Variants in CFAP47 observed in about 807,000 individuals in gnomAD.
The protein encoded by CFAP47 is cilia- and flagella-associated protein 47.
CFAP47 carries 29 observed loss-of-function variants against 148.1 expected under a neutral mutation model. The observed-to-expected ratio is 0.20, with a 90% CI of 0.15 to 0.27. The LOEUF (loss-of-function observed/expected upper bound fraction) is 0.27. CFAP47 is among the 10% of genes least tolerant of loss of function. The probability of loss-of-function intolerance (pLI) is 1.00; values close to 1 mark genes in which losing one functional copy is unlikely to be tolerated. For synonymous variants in CFAP47, 664 were observed against 577.3 expected (o/e 1.15, Z -2.15); for missense variants, 1,872 against 1,697.5 (o/e 1.10, Z -1.81).
chrX:36,039,310 A>G (rs899424348), intron 25 of CFAP47, 131 bp downstream of exon 25: 3 of 336,096 alleles, frequency 8.9e-6, no homozygotes, highest in South Asian at 1.5e-4. Flanking sequence ...TTAACCATAC[A>G]TTAAAATTTA....
chrX:36,134,306 G>A (rs1387163096), intron 33 of CFAP47, among the ~76,000 whole-genome samples: 2 of 111,042 alleles, frequency 1.8e-5, no homozygotes, highest in Non-Finnish European at 3.8e-5. Context: ...ATATCAGTAA[G>A]TTGACTCTAA....
At chrX:36,324,201 T>G (rs782796200) in intron 57 of CFAP47, among the ~76,000 whole-genome samples, 1 of 111,986 alleles carries the variant, frequency 8.9e-6, no homozygotes, top group African/African-American at 3.2e-5. Flanking sequence ...AATAAAGTTA[T>G]AGGACTTGCA....
At chrX:36,338,275 C>G (rs1357983369) in intron 57 of CFAP47, among the ~76,000 whole-genome samples, 2 of 109,670 alleles carry the variant, frequency 1.8e-5, no homozygotes, top group Non-Finnish European at 3.8e-5. Context: ...CTCTTTATCC[C>G]CTGACCCTAC....
Position 35,951,949 on chromosome X carries a change from T to C in CFAP47, c.1032T>C (p.Phe344=), listed in dbSNP as rs138543281. ...CTTATCAAAAGACTGTAATTACATTTTGTTTCACCCCAAAGTAAGCAAAAA... is the reference window on the plus strand; with the variant it reads ...CTTATCAAAAGACTGTAATTACATTCTGTTTCACCCCAAAGTAAGCAAAAA... ...LQPYQKTVIT[F]CFTPKLMAVG... The change falls in exon 6 of 64, where the codon TTT becomes TTC. Residue 344 remains phenylalanine, a synonymous_variant. Transcript: ENST00000378653. The C allele has an allele frequency of 5.1e-5, 59 of 1,158,603 alleles. No homozygotes were observed. The highest frequency in any genetic ancestry group is 1.9e-4 in the Admixed American group (6 of 31,266).
chrX:36,042,964 T>G (rs145226098), intron 25 of CFAP47, among the ~76,000 whole-genome samples: 104 of 111,712 alleles, frequency 9.3e-4, no homozygotes, highest in African/African-American at 3.2e-3. Flanking sequence ...GACCAAGGAA[T>G]AAAATAGCCT....
chrX:36,375,207 G>C (rs782610154), intron 62 of CFAP47: 135 of 259,538 alleles, frequency 5.2e-4, no homozygotes, highest in Non-Finnish European at 5.9e-4. Flanking sequence ...AAAGATGGCG[G>C]AAAGAGAATG....
At chrX:36,148,425 C>T (rs1939264322) in intron 36 of CFAP47, among the ~76,000 whole-genome samples, 1 of 112,035 alleles carries the variant, frequency 8.9e-6, no homozygotes, top group Non-Finnish European at 1.9e-5. Context: ...ACAAGCCTTA[C>T]TGGAGTGTGG....
intron 6 of CFAP47, among the ~76,000 whole-genome samples, chrX:35,953,149 A>C (rs1367169568): frequency 8.9e-6 from 1 of 112,326 alleles, no homozygotes; most frequent in African/African-American, 3.2e-5. Flanking sequence ...TGTCCACAAC[A>C]AGAGCATGGC....
At chrX:36,364,466 A>C (rs1310923611) in intron 61 of CFAP47, among the ~76,000 whole-genome samples, 1 of 108,942 alleles carries the variant, frequency 9.2e-6, no homozygotes, top group Non-Finnish European at 1.9e-5. Flanking sequence ...ATAAATAAAT[A>C]AATAAATAAA....
chrX:36,018,884 C>A (rs1016582935), intron 22 of CFAP47, among the ~76,000 whole-genome samples: 8 of 109,708 alleles, frequency 7.3e-5, no homozygotes, highest in African/African-American at 2.7e-4. Context: ...TGGAAGTATT[C>A]CATTGTCTTC....
intron 30 of CFAP47, 102 bp downstream of exon 30, chrX:36,085,640 AACACACACAC>A (rs200423976): frequency 6.1e-6 from 2 of 329,645 alleles, no homozygotes; most frequent in African/African-American, 6.0e-5. Context: ...TTTCTAACCA[AACACACACAC>A]ACACACACAC....
intron 56 of CFAP47, among the ~76,000 whole-genome samples, chrX:36,315,731 C>T (rs1556010838): frequency 9.0e-6 from 1 of 111,711 alleles, no homozygotes; most frequent in African/African-American, 3.3e-5. Flanking sequence ...AGTTCCCATT[C>T]CCCTGAGCAG....
intron 49 of CFAP47, among the ~76,000 whole-genome samples, chrX:36,278,490 G>A (rs1941042248): frequency 8.9e-6 from 1 of 112,542 alleles, no homozygotes; most frequent in African/African-American, 3.2e-5. Context: ...TCCAGGTACA[G>A]TCTATCATAG....
At chrX:36,133,311 A>G (rs1938982761) in intron 33 of CFAP47, among the ~76,000 whole-genome samples, 1 of 111,168 alleles carries the variant, frequency 9.0e-6, no homozygotes, top group African/African-American at 3.3e-5. Context: ...TATCTGTCTT[A>G]GTCCATTTAG....
chrX:36,336,272 C>G (rs1053862906), intron 57 of CFAP47, among the ~76,000 whole-genome samples: 15 of 106,685 alleles, frequency 1.4e-4, no homozygotes, highest in African/African-American at 4.8e-4. Flanking sequence ...CACACACACA[C>G]ACACACACAC....
chrX:35,940,017 G>T (rs1935980383), intron 2 of CFAP47, among the ~76,000 whole-genome samples: 1 of 110,609 alleles, frequency 9.0e-6, no homozygotes, highest in African/African-American at 3.3e-5. Context: ...TCTCATTGTG[G>T]TTTTGATTTG....
At chrX:35,944,563 A>T (rs1338174490) in intron 3 of CFAP47, among the ~76,000 whole-genome samples, 1 of 111,551 alleles carries the variant, frequency 9.0e-6, no homozygotes, top group Non-Finnish European at 1.9e-5. Flanking sequence ...AGGGAATTTT[A>T]AAAAATCATA....
intron 48 of CFAP47, among the ~76,000 whole-genome samples, chrX:36,237,529 C>A (rs1313881243): frequency 9.0e-6 from 1 of 110,912 alleles, no homozygotes. Context: ...GGGGTTTTAC[C>A]ATGTTGGCCA....
intron 30 of CFAP47, among the ~76,000 whole-genome samples, chrX:36,097,950 T>G (rs1938306611): frequency 8.9e-6 from 1 of 112,034 alleles, no homozygotes. Context: ...ACTCTTAGGT[T>G]TGCCCTTTTG....
Sources: gnomAD v4.1 joint callset for allele counts (sites outside exome capture counted in the v4.1 genomes callset) on GRCh38, gnomAD v4.1.1 for gene constraint, MANE v1.5 for transcripts, NCBI Gene and HGNC (gene_info 2026-07-23, HGNC 2026-07-21) for gene names.